The following LRP1B variants were observed in gnomAD, a reference collection of about 807,000 sequenced individuals.
LRP1B encodes the protein LDL receptor related protein 1B, also known as low-density lipoprotein receptor-related protein 1B.
A neutral mutation model predicts 556.6 loss-of-function variants in LRP1B; 217 were observed. The observed-to-expected ratio is 0.39, with a 90% CI of 0.35 to 0.44. The LOEUF is 0.44. Ranked by LOEUF, LRP1B falls within the 20% of genes least tolerant of loss-of-function variation. LRP1B has a pLI of 1.00. For missense variants in LRP1B, 5,053 were observed against 5,620.8 expected, an observed-to-expected ratio of 0.90 and a Z score of 3.23; for synonymous variants, 2,047 against 1,865.8, an observed-to-expected ratio of 1.10 and a Z score of -2.50.
At chr2:140,345,777 T>TACATATATATACACATATATAC (rs1681630784) in intron 77 of LRP1B, among the ~76,000 whole-genome samples, 1 of 132,384 alleles carries the variant, frequency 7.6e-6, no homozygotes, top group Non-Finnish European at 1.6e-5. Context: ...CACATATATA[T>TACATATATATACACATATATAC]ACATATATAT....
At chr2:141,696,313 T>G (rs566167969) in intron 2 of LRP1B, among the ~76,000 whole-genome samples, 1 of 152,096 alleles carries the variant, frequency 6.6e-6, no homozygotes, top group Admixed American at 6.6e-5. Context: ...AATAAAATAC[T>G]CATGTAACAG....
chr2:141,490,939 T>G (rs1480246143), intron 2 of LRP1B, among the ~76,000 whole-genome samples: 4 of 148,262 alleles, frequency 2.7e-5, no homozygotes, highest in African/African-American at 4.9e-5. Context: ...TGTTTTTTTT[T>G]TTTTTTTTTT....
intron 66 of LRP1B, among the ~76,000 whole-genome samples, chr2:140,391,840 G>T (rs552468003): frequency 5.9e-5 from 9 of 152,098 alleles, no homozygotes; most frequent in Admixed American, 2.0e-4. Flanking sequence ...TTTTTATTCT[G>T]TTTCATAATT....
chr2:140,877,451 T>C (rs1030134084), intron 25 of LRP1B, among the ~76,000 whole-genome samples: 2 of 152,164 alleles, frequency 1.3e-5, no homozygotes, highest in Non-Finnish European at 2.9e-5. Flanking sequence ...ACTCATGTTC[T>C]TCTAAAATGC....
At chr2:141,249,278 A>G (rs1684178747) in intron 4 of LRP1B, among the ~76,000 whole-genome samples, 4 of 152,192 alleles carry the variant, frequency 2.6e-5, no homozygotes, top group Admixed American at 2.0e-4. Flanking sequence ...ACTCTAGGAT[A>G]CCAAAGTGGA....
At chr2:141,401,910 A>C (rs1690465327) in intron 3 of LRP1B, among the ~76,000 whole-genome samples, 1 of 152,176 alleles carries the variant, frequency 6.6e-6, no homozygotes, top group South Asian at 2.1e-4. Context: ...ACCATCAATA[A>C]GTTTTTCTGG....
At chr2:141,377,924 G>A (rs916540874) in intron 3 of LRP1B, among the ~76,000 whole-genome samples, 2 of 152,140 alleles carry the variant, frequency 1.3e-5, no homozygotes, top group Non-Finnish European at 2.9e-5. Context: ...AATGAAAAAT[G>A]TTTTTAAGAT....
chr2:141,741,993 T>C (rs1004706462), intron 2 of LRP1B, among the ~76,000 whole-genome samples: 1 of 152,194 alleles, frequency 6.6e-6, no homozygotes, highest in Non-Finnish European at 1.5e-5. Context: ...GGCGTCTAGC[T>C]TCATTCTTCT....
chr2:140,564,340 C>T, intron 43 of LRP1B, among the ~76,000 whole-genome samples: 1 of 152,036 alleles, frequency 6.6e-6, no homozygotes, highest in East Asian at 1.9e-4. Context: ...TTGTTTTCCA[C>T]ATACAATAAC....
chr2:140,576,507 A>C (rs1489971530), intron 43 of LRP1B, among the ~76,000 whole-genome samples: 1 of 152,226 alleles, frequency 6.6e-6, no homozygotes, highest in Non-Finnish European at 1.5e-5. Context: ...TGCCACCGGA[A>C]GATACAAGAC....
At chr2:140,680,431 G>A (rs1461270209) in intron 41 of LRP1B, among the ~76,000 whole-genome samples, 5 of 152,094 alleles carry the variant, frequency 3.3e-5, no homozygotes, top group Non-Finnish European at 7.4e-5. Context: ...ACATTAGTAT[G>A]GGAACAAAAA....
At chr2:141,622,760 T>C (rs539853618) in intron 2 of LRP1B, among the ~76,000 whole-genome samples, 2 of 152,318 alleles carry the variant, frequency 1.3e-5, no homozygotes, top group Admixed American at 6.5e-5. Flanking sequence ...TGGGATGACA[T>C]TGTGAACCTC....
rs762204759 is a variant in LRP1B, at chr2:140,851,796, A to G, written c.4580-13T>C. 2 of 1,590,700 alleles carry G rather than the reference A, an allele frequency of 1.3e-6. No individual in the cohort carries two copies. The highest frequency in any genetic ancestry group is 2.3e-5 in the South Asian group (2 of 86,626). ...CAAGGATTGGGAGCTGTAATTACAC[A>G]GTGAAATATGAACAGTGAAGAAGGA... is the stretch of plus-strand genomic sequence containing the variant. On this transcript the variant is annotated splice_polypyrimidine_tract_variant and intron_variant, in intron 27 of 90. Transcript: ENST00000389484.
At chr2:141,747,595 C>T (rs780547919) in intron 2 of LRP1B, among the ~76,000 whole-genome samples, 7 of 151,884 alleles carry the variant, frequency 4.6e-5, no homozygotes, top group Non-Finnish European at 8.8e-5. Context: ...TATGATATCC[C>T]GACTGTACTG....
intron 3 of LRP1B, among the ~76,000 whole-genome samples, chr2:141,275,914 A>ATG (rs1194339313): frequency 6.6e-6 from 1 of 152,020 alleles, no homozygotes; most frequent in Non-Finnish European, 1.5e-5. Context: ...ATGTACATAT[A>ATG]TATATATATA....
intron 1 of LRP1B, among the ~76,000 whole-genome samples, chr2:142,030,718 A>C (rs181064317): frequency 6.6e-6 from 1 of 151,938 alleles, no homozygotes; most frequent in African/African-American, 2.4e-5. Flanking sequence ...TGTCTGTGTA[A>C]GATTTTTATT....
chr2:141,659,020 C>G (rs371071969), intron 2 of LRP1B, among the ~76,000 whole-genome samples: 86 of 152,292 alleles, frequency 5.6e-4, no homozygotes, highest in African/African-American at 1.7e-3. Context: ...CCTCCTACCT[C>G]AGCATACTGA....
At chr2:141,402,951 G>A (rs961019698) in intron 3 of LRP1B, among the ~76,000 whole-genome samples, 5 of 151,850 alleles carry the variant, frequency 3.3e-5, no homozygotes, top group African/African-American at 1.2e-4. Flanking sequence ...TTGACTTATA[G>A]TCATCTAAAT....
intron 35 of LRP1B, among the ~76,000 whole-genome samples, chr2:140,727,078 AT>A (rs1197466787): frequency 6.6e-6 from 1 of 152,168 alleles, no homozygotes; most frequent in African/African-American, 2.4e-5. Context: ...TCTTTAAAAA[AT>A]TTTTATCTGT....
Sources: allele counts gnomAD v4.1 joint callset (sites outside exome capture counted in the v4.1 genomes callset), GRCh38; gene constraint gnomAD v4.1.1; transcripts MANE v1.5; gene names NCBI Gene and HGNC (gene_info 2026-07-23, HGNC 2026-07-21).